The following ZNF485 variants were observed in gnomAD, a reference collection of about 807,000 sequenced individuals.
The protein encoded by ZNF485 is Zinc finger protein 93 (Zinc finger protein HTF34).
Under a neutral mutation model 10.8 loss-of-function variants are expected in ZNF485, and 9 were observed. That is an observed-to-expected ratio of 0.83 (90% CI 0.50 to 1.45). The LOEUF (loss-of-function observed/expected upper bound fraction) is 1.45. ZNF485 is among the 40% of genes most tolerant of loss of function. The pLI is 0.00. For synonymous variants in ZNF485, 187 were observed against 181.0 expected, an observed-to-expected ratio of 1.03 and a Z score of -0.27; for missense variants, 487 against 528.0, an observed-to-expected ratio of 0.92 and a Z score of 0.76.
intron 4 of ZNF485, among the ~76,000 whole-genome samples, chr10:43,611,196 T>C (rs1838761171): frequency 6.6e-6 from 1 of 151,980 alleles, no homozygotes; most frequent in Non-Finnish European, 1.5e-5. Context: ...CTACCACACC[T>C]GGCTAAATTT....
At chr10:43,609,395 C>T in intron 4 of ZNF485, 45 bp downstream of exon 4, 1 of 1,500,710 alleles carries the variant, frequency 6.7e-7, no homozygotes. Flanking sequence ...GCACACGGAG[C>T]AGTACGGGGG....
At position 43,616,468 on chromosome 10, in the gene ZNF485, A is replaced by G; in HGVS notation, c.425A>G (p.Asn142Ser). ...CKECGKVFKY[N>S]SSFISHQRNH... ...GAATGTGGGAAAGTCTTCAAATACAATTCGTCCTTTATTAGCCACCAGAGA... is the reference window on the plus strand; with the variant it reads ...GAATGTGGGAAAGTCTTCAAATACAGTTCGTCCTTTATTAGCCACCAGAGA... Residue 142 changes from asparagine (N) to serine (S), a missense_variant, in exon 5 of 5, where the codon AAT becomes AGT. By Grantham distance (46) the Asn-to-Ser change is conservative. Coordinates refer to ENST00000361807, the MANE Select transcript of ZNF485 (RefSeq NM_145312.4). 2 of 1,614,112 alleles carry G rather than the reference A, an allele frequency of 1.2e-6. No homozygotes were observed. The highest frequency in any genetic ancestry group is 1.1e-5 in the South Asian group (1 of 91,070).
chr10:43,616,501 C>T lies in ZNF485; in HGVS notation c.458C>T (p.Thr153Ile), dbSNP rs1415215068. The change falls in exon 5 of 5, where the codon ACC (threonine) becomes ATC (isoleucine). Residue 153 changes from threonine to isoleucine, a missense_variant. Thr to Ile is a moderately conservative substitution (Grantham distance 89). Transcript: ENST00000361807. ...TTTATTAGCCACCAGAGAAATCACA[C>T]CAGTGAGAAACCACATAAATGTAAA... ...SSFISHQRNH[T>I]SEKPHKCKEC... The T allele has an allele frequency of 6.2e-7, 1 of 1,613,918 alleles. No homozygotes were observed. The highest frequency in any genetic ancestry group is 8.5e-7 in the Non-Finnish European group (1 of 1,179,984).
intron 1 of ZNF485, 116 bp from the exon 2 acceptor site, chr10:43,606,881 G>T (rs1022652673): frequency 5.9e-5 from 43 of 724,834 alleles, no homozygotes; most frequent in Non-Finnish European, 9.9e-5. Context: ...GTACCCACCT[G>T]GACCTGTCTG....
chr10:43,615,403 T>G (rs185842888), intron 4 of ZNF485, among the ~76,000 whole-genome samples: 3 of 140,776 alleles, frequency 2.1e-5, no homozygotes, highest in Admixed American at 1.4e-4. Context: ...TGATTGGTAA[T>G]TTTTTTTTTG....
intron 1 of ZNF485, 35 bp from the exon 2 acceptor site, chr10:43,606,962 G>A (rs1471216974): frequency 2.0e-6 from 3 of 1,521,186 alleles, no homozygotes; most frequent in Non-Finnish European, 1.8e-6. Context: ...CTAGGGCACG[G>A]AGGGACTTCC....
chr10:43,609,264 C>G lies in ZNF485; in HGVS notation c.161C>G (p.Ser54Cys). The change falls in exon 4 of 5, where the codon TCT becomes TGT. Residue 54 changes from serine (S) to cysteine (C), a missense_variant. By Grantham distance (112) the Ser-to-Cys change is moderately radical. Coordinates refer to ENST00000361807, the MANE Select transcript of ZNF485 (RefSeq NM_145312.4). The stretch of plus-strand genomic sequence containing the variant: ...TTTTCTTTATGAACAGGGCTTCTCT[C>G]TTCCAAACCAAAACTAATTACTCAG... ...YGNLVSVGLL[S>C]SKPKLITQLE... The G allele has an allele frequency of 6.2e-7, 1 of 1,613,342 alleles. No individual in the cohort carries two copies. Among genetic ancestry groups the G allele is most frequent in the East Asian group, 2.2e-5 (1 of 44,872 alleles).
chr10:43,610,822 C>T (rs1321631596), intron 4 of ZNF485, among the ~76,000 whole-genome samples: 2 of 152,212 alleles, frequency 1.3e-5, no homozygotes, highest in Admixed American at 1.3e-4. Flanking sequence ...GTCTCCTTCA[C>T]ATACCTTTCT....
chr10:43,616,338 A>G lies in ZNF485; in HGVS notation c.295A>G (p.Thr99Ala), dbSNP rs1216508103. 6.2e-7 allele frequency: 1 copy of G among 1,601,158 alleles called. No individual in the cohort carries two copies. Among genetic ancestry groups the G allele is most frequent in the South Asian group, 1.1e-5 (1 of 89,680 alleles). The change falls in exon 5 of 5, where the codon ACT becomes GCT. Residue 99 changes from threonine to alanine, a missense_variant. Coordinates refer to ENST00000361807, the MANE Select transcript of ZNF485 (RefSeq NM_145312.4). ...ETKMSALKQS[T>A]SEASVLGERT... ...AAAGATGTCAGCCCTAAAGCAAAGC[A>G]CTTCTGAAGCATCTGTTCTGGGAGA...
At chr10:43,614,700 C>A (rs1034689692) in intron 4 of ZNF485, among the ~76,000 whole-genome samples, 1 of 151,732 alleles carries the variant, frequency 6.6e-6, no homozygotes, top group African/African-American at 2.4e-5. Flanking sequence ...TATTTACTAA[C>A]ATTTATTATT....
chr10:43,615,150 C>G (rs1033176268), intron 4 of ZNF485, among the ~76,000 whole-genome samples: 2 of 152,094 alleles, frequency 1.3e-5, no homozygotes, highest in Non-Finnish European at 2.9e-5. Context: ...CCCCAGACTA[C>G]TAAGTATAAA....
intron 2 of ZNF485, among the ~76,000 whole-genome samples, chr10:43,608,176 T>G (rs1345693384): frequency 1.3e-5 from 2 of 152,212 alleles, no homozygotes; most frequent in African/African-American, 4.8e-5. Context: ...GCTTGAACAC[T>G]TCTGTGTCAG....
chr10:43,606,870 C>G, intron 1 of ZNF485, 127 bp from the exon 2 acceptor site: 1 of 654,684 alleles, frequency 1.5e-6, no homozygotes, highest in Non-Finnish European at 2.7e-6. Flanking sequence ...TCTTCCCGAG[C>G]GTACCCACCT....
chr10:43,609,332 C>T lies in ZNF485; in HGVS notation c.229C>T (p.Pro77Ser). ...AEPWTEVREA[P>S]SGTHAVEDYW... ...GCCCTGGACTGAGGTGCGAGAGGCT[C>T]CATCAGGCACACATGCAGGTGAGTG... Residue 77 changes from proline to serine, a missense_variant, in exon 4 of 5, where the codon CCA becomes TCA. Physicochemically the swap from Pro to Ser is moderately conservative, Grantham distance 74. Coordinates refer to ENST00000361807, the MANE Select transcript of ZNF485 (RefSeq NM_145312.4). The T allele has an allele frequency of 6.2e-7, 1 of 1,613,844 alleles. No homozygotes were observed. Among genetic ancestry groups the T allele is most frequent in the Non-Finnish European group, 8.5e-7 (1 of 1,179,792 alleles).
At chr10:43,607,215 C>G in intron 2 of ZNF485, 141 bp downstream of exon 2, 1 of 932,346 alleles carries the variant, frequency 1.1e-6, no homozygotes, top group African/African-American at 1.6e-5. Flanking sequence ...GATTTCCGTC[C>G]TGTCTACCCA....
chr10:43,606,728 A>G (rs1838654075), intron 1 of ZNF485, among the ~76,000 whole-genome samples, 182 bp downstream of exon 1: 1 of 152,216 alleles, frequency 6.6e-6, no homozygotes, highest in Non-Finnish European at 1.5e-5. Context: ...GGTGCATCAC[A>G]GAGCGCTCCA....
At chr10:43,614,673 AATTAT>A (rs1172457177) in intron 4 of ZNF485, among the ~76,000 whole-genome samples, 19 of 152,048 alleles carry the variant, frequency 1.2e-4, no homozygotes, top group African/African-American at 4.3e-4. Flanking sequence ...GTTTATTTTA[AATTAT>A]ATATTAACAA....
chr10:43,608,186 G>C (rs1002270223), intron 2 of ZNF485, among the ~76,000 whole-genome samples: 1 of 152,196 alleles, frequency 6.6e-6, no homozygotes, highest in African/African-American at 2.4e-5. Flanking sequence ...TTCTGTGTCA[G>C]GCAGTGTTTT....
Position 43,617,329 on chromosome 10 carries a change from A to G in ZNF485, c.1286A>G (p.Lys429Arg). The change falls in exon 5 of 5, where the codon AAG (lysine) becomes AGG (arginine). Residue 429 changes from lysine to arginine, a missense_variant. Lys to Arg is a conservative substitution (Grantham distance 26). Coordinates refer to ENST00000361807, the MANE Select transcript of ZNF485 (RefSeq NM_145312.4). ...FPRSSALKQH[K>R]KIHNKERAMK... ...CGAAGTTCAGCCCTTAAGCAACATA[A>G]GAAAATTCATAATAAAGAAAGAGCC... 1 of 1,570,724 alleles carries G rather than the reference A, an allele frequency of 6.4e-7. No homozygotes were observed. Among genetic ancestry groups the G allele is most frequent in the Non-Finnish European group, 8.6e-7 (1 of 1,163,670 alleles).
Sources: gnomAD v4.1 joint callset for allele counts (sites outside exome capture counted in the v4.1 genomes callset) on GRCh38, gnomAD v4.1.1 for gene constraint, MANE v1.5 for transcripts, NCBI Gene and HGNC (gene_info 2026-07-23, HGNC 2026-07-21) for gene names.